The following MAGI2 variants were observed in gnomAD, a reference collection of about 807,000 sequenced individuals.
MAGI2 encodes membrane associated guanylate kinase, WW and PDZ domain containing 2.
A neutral mutation model predicts 133.3 loss-of-function variants in MAGI2; 35 were observed. The ratio of observed to expected loss-of-function variants is 0.26; its 90% CI spans 0.20 to 0.35. MAGI2 has a LOEUF of 0.35. Ranked by LOEUF, MAGI2 falls within the 10% of genes least tolerant of loss-of-function variation. MAGI2 has a pLI of 1.00. For missense variants in MAGI2, 1,636 were observed against 1,863.4 expected, an observed-to-expected ratio of 0.88 and a Z score of 2.25; for synonymous variants, 729 against 710.6, an observed-to-expected ratio of 1.03 and a Z score of -0.41.
intron 6 of MAGI2, among the ~76,000 whole-genome samples, chr7:78,404,888 C>G (rs563506469): frequency 6.6e-6 from 1 of 152,150 alleles, no homozygotes; most frequent in African/African-American, 2.4e-5. Flanking sequence ...AGGCAACCTA[C>G]AGAATGGGAG....
At chr7:79,175,116 T>C (rs1363893393) in intron 1 of MAGI2, among the ~76,000 whole-genome samples, 1 of 151,938 alleles carries the variant, frequency 6.6e-6, no homozygotes, top group Non-Finnish European at 1.5e-5. Context: ...CTGCAGAAGA[T>C]ACATGCTTTC....
At chr7:78,199,944 TTAGA>T (rs1829085448) in intron 11 of MAGI2, among the ~76,000 whole-genome samples, 1 of 152,212 alleles carries the variant, frequency 6.6e-6, no homozygotes, top group Non-Finnish European at 1.5e-5. Context: ...CCTTGTTGAA[TTAGA>T]TAAAGATGTG....
chr7:79,211,783 G>C (rs1273286079), intron 1 of MAGI2, among the ~76,000 whole-genome samples: 1 of 151,986 alleles, frequency 6.6e-6, no homozygotes. Context: ...GGGTTAATAG[G>C]AGGGTGGCGA....
chr7:79,213,274 G>GTA lies in MAGI2; in HGVS notation c.302-206070_302-206069dup, dbSNP rs200811954. Among the ~76,000 whole-genome samples, 32 of 146,466 alleles carry GTA rather than the reference G, an allele frequency of 2.2e-4. 1 individual carries two copies. The highest frequency in any genetic ancestry group is 2.0e-4 in the East Asian group (1 of 4,996). ...GGTGTGTATATATATATGTGGGTGTGTATATATATATGTGGGTGTACGTGT... is the reference window on the plus strand; with the variant it reads ...GGTGTGTATATATATATGTGGGTGTGTATATATATATATGTGGGTGTACGTGT... On this transcript the variant is annotated intron_variant, in intron 1 of 21. Transcript: ENST00000354212.
chr7:79,200,003 T>C (rs1027747450), intron 1 of MAGI2, among the ~76,000 whole-genome samples: 14 of 151,944 alleles, frequency 9.2e-5, no homozygotes, highest in African/African-American at 2.7e-4. Flanking sequence ...TGTTGCTTAA[T>C]TGAGAGACAT....
At chr7:78,840,633 T>A (rs1339997774) in intron 2 of MAGI2, among the ~76,000 whole-genome samples, 1 of 151,968 alleles carries the variant, frequency 6.6e-6, no homozygotes, top group East Asian at 1.9e-4. Flanking sequence ...CATCTGAAAA[T>A]AAACCAGGAC....
chr7:79,122,761 C>T (rs1820020183), intron 1 of MAGI2, among the ~76,000 whole-genome samples: 1 of 151,824 alleles, frequency 6.6e-6, no homozygotes, highest in Admixed American at 6.6e-5. Context: ...TCTTCCACCT[C>T]AGCCACTGCA....
At chr7:79,266,771 A>G (rs1204123531) in intron 1 of MAGI2, among the ~76,000 whole-genome samples, 4 of 152,162 alleles carry the variant, frequency 2.6e-5, no homozygotes, top group Admixed American at 1.3e-4. Context: ...GAGCATATGG[A>G]AAGTTGAGAC....
At chr7:78,054,421 G>A (rs1417621565) in intron 21 of MAGI2, among the ~76,000 whole-genome samples, 1 of 151,384 alleles carries the variant, frequency 6.6e-6, no homozygotes, top group Non-Finnish European at 1.5e-5. Context: ...ACTGCGCCTG[G>A]CCTAAAGGGA....
chr7:78,779,810 G>A (rs1826258838), intron 2 of MAGI2, among the ~76,000 whole-genome samples: 1 of 152,148 alleles, frequency 6.6e-6, no homozygotes, highest in Admixed American at 6.5e-5. Context: ...TCTGCTATGT[G>A]CAACATCCCT....
At position 79,364,908 on chromosome 7, in the gene MAGI2, T is replaced by TA. The variant is rs750922650; in HGVS notation, c.301+88111dup. 2.2e-3 allele frequency among the ~76,000 whole-genome samples: 269 copies of TA among 124,132 alleles called. 4 individuals are homozygous for TA. In the East Asian group the frequency reaches 0.033, roughly 15 times the overall value. 81.4% of individuals were successfully genotyped at this position (124,132 alleles called of 152,430 possible). ...AAAATTAATTAGACCTCATCAAAATTAAAAAAAAAATACTTTTGCTCTGGT... is the reference window on the plus strand; with the variant it reads ...AAAATTAATTAGACCTCATCAAAATTAAAAAAAAAAATACTTTTGCTCTGGT... On this transcript the variant is annotated intron_variant, in intron 1 of 21. Coordinates refer to ENST00000354212, the MANE Select transcript of MAGI2 (RefSeq NM_012301.4).
intron 3 of MAGI2, among the ~76,000 whole-genome samples, chr7:78,557,080 C>CA (rs796371005): frequency 0.042 from 1,704 of 40,496 alleles, 65 homozygotes; most frequent in East Asian, 0.067. Flanking sequence ...GGCAGAGTCT[C>CA]AAAAAAAAAA....
chr7:78,102,698 T>C (rs1818308799), intron 20 of MAGI2, among the ~76,000 whole-genome samples: 1 of 152,202 alleles, frequency 6.6e-6, no homozygotes, highest in Non-Finnish European at 1.5e-5. Context: ...ATAGATTAGT[T>C]ACAGAAAACA....
chr7:78,205,621 C>T (rs536722502), intron 10 of MAGI2, among the ~76,000 whole-genome samples: 1 of 152,124 alleles, frequency 6.6e-6, no homozygotes, highest in Admixed American at 6.6e-5. Context: ...GGAACCTATT[C>T]ATATTAAAAT....
intron 2 of MAGI2, among the ~76,000 whole-genome samples, chr7:78,722,969 T>G (rs1031905570): frequency 4.6e-5 from 7 of 151,994 alleles, no homozygotes; most frequent in African/African-American, 7.2e-5. Flanking sequence ...CGATTCATAT[T>G]AAAGGAAAAG....
intron 2 of MAGI2, among the ~76,000 whole-genome samples, chr7:78,863,732 T>C (rs1794337216): frequency 6.6e-6 from 1 of 152,252 alleles, no homozygotes; most frequent in South Asian, 2.1e-4. Flanking sequence ...AGTCATTCTT[T>C]GAGCTGATAA....
chr7:78,502,092 T>A (rs1365897500), intron 4 of MAGI2, among the ~76,000 whole-genome samples: 1 of 152,178 alleles, frequency 6.6e-6, no homozygotes, highest in Non-Finnish European at 1.5e-5. Flanking sequence ...GATATTCATA[T>A]CCTAATGTCT....
intron 1 of MAGI2, among the ~76,000 whole-genome samples, chr7:79,164,705 C>T (rs1824754306): frequency 6.6e-6 from 1 of 152,050 alleles, no homozygotes; most frequent in Admixed American, 6.6e-5. Context: ...AGTTCCCCCA[C>T]CTTGACACAT....
chr7:78,883,737 A>G (rs148125001), intron 2 of MAGI2, among the ~76,000 whole-genome samples: 21 of 152,232 alleles, frequency 1.4e-4, no homozygotes, highest in Non-Finnish European at 2.6e-4. Context: ...CTAAAGTATA[A>G]AAAAAAGCAA....
Sources: allele counts gnomAD v4.1 joint callset (sites outside exome capture counted in the v4.1 genomes callset), GRCh38; gene constraint gnomAD v4.1.1; transcripts MANE v1.5; gene names NCBI Gene and HGNC (gene_info 2026-07-23, HGNC 2026-07-21).